Variants in NAALADL2 observed in about 807,000 individuals in gnomAD.
NAALADL2 encodes the protein N-acetylated alpha-linked acidic dipeptidase like 2.
In NAALADL2, 76 loss-of-function variants were observed where a neutral mutation model predicts 87.2. The ratio of observed to expected loss-of-function variants is 0.87; its 90% CI spans 0.72 to 1.05. The LOEUF is 1.05. Among genes scored for constraint, NAALADL2 ranks in the 50% least tolerant of loss-of-function variants. The probability of loss-of-function intolerance (pLI) is 0.00; values close to 1 mark genes in which losing one functional copy is unlikely to be tolerated. For missense variants in NAALADL2, 1,089 were observed against 945.8 expected, an observed-to-expected ratio of 1.15 and a Z score of -1.99; for synonymous variants, 354 against 331.0, an observed-to-expected ratio of 1.07 and a Z score of -0.75.
At chr3:175,500,185 A>G (rs1729349572) in intron 9 of NAALADL2, among the ~76,000 whole-genome samples, 1 of 152,104 alleles carries the variant, frequency 6.6e-6, no homozygotes, top group Non-Finnish European at 1.5e-5. Context: ...ATGCGCATAC[A>G]TACATAACTC....
At chr3:174,497,997 A>G (rs1665014036) in intron 1 of NAALADL2, among the ~76,000 whole-genome samples, 1 of 152,154 alleles carries the variant, frequency 6.6e-6, no homozygotes, top group Admixed American at 6.5e-5. Flanking sequence ...ACATTTTAGA[A>G]TGCTTATTTC....
intron 2 of NAALADL2, among the ~76,000 whole-genome samples, chr3:175,178,677 G>C (rs1156926828): frequency 6.6e-6 from 1 of 152,030 alleles, no homozygotes; most frequent in East Asian, 1.9e-4. Context: ...CGCAGTACCT[G>C]ATTCAGTAGG....
intron 2 of NAALADL2, among the ~76,000 whole-genome samples, chr3:174,704,692 G>C (rs1184517430): frequency 6.6e-6 from 1 of 150,444 alleles, no homozygotes; most frequent in African/African-American, 2.4e-5. Context: ...ATGGAAAATA[G>C]ATAAAAAAAA....
At chr3:175,027,904 G>GT (rs1453102284) in intron 1 of NAALADL2, among the ~76,000 whole-genome samples, 7 of 151,476 alleles carry the variant, frequency 4.6e-5, no homozygotes, top group African/African-American at 1.7e-4. Context: ...CTATTTGTTT[G>GT]TTTTTAAACC....
chr3:175,710,601 CAT>C (rs1740395665), intron 11 of NAALADL2, among the ~76,000 whole-genome samples: 1 of 148,848 alleles, frequency 6.7e-6, no homozygotes, highest in South Asian at 2.1e-4. Context: ...TATATATACA[CAT>C]ATATAGGCAC....
intron 1 of NAALADL2, among the ~76,000 whole-genome samples, chr3:175,088,894 T>C (rs187683704): frequency 2.0e-5 from 3 of 152,154 alleles, no homozygotes; most frequent in Non-Finnish European, 4.4e-5. Context: ...AAACTACACA[T>C]AGTAGGGAGT....
intron 3 of NAALADL2, among the ~76,000 whole-genome samples, chr3:174,828,068 A>C (rs1191940442): frequency 6.6e-6 from 1 of 152,128 alleles, no homozygotes; most frequent in African/African-American, 2.4e-5. Flanking sequence ...TGTAGTCCCC[A>C]GCTACTTGGG....
chr3:175,287,909 C>T (rs1197158414), intron 4 of NAALADL2, among the ~76,000 whole-genome samples: 1 of 152,008 alleles, frequency 6.6e-6, no homozygotes, highest in African/African-American at 2.4e-5. Flanking sequence ...TAAAATTTTC[C>T]CCAAAAATGC....
intron 11 of NAALADL2, among the ~76,000 whole-genome samples, chr3:175,650,414 T>C (rs1730609799): frequency 6.6e-6 from 1 of 152,178 alleles, no homozygotes; most frequent in South Asian, 2.1e-4. Context: ...AGCTGGATTG[T>C]GGAGTAGGAT....
At chr3:174,773,166 A>G (rs1215402537) in intron 3 of NAALADL2, among the ~76,000 whole-genome samples, 3 of 152,188 alleles carry the variant, frequency 2.0e-5, no homozygotes, top group Admixed American at 2.0e-4. Flanking sequence ...GGTCTTGAGA[A>G]GTCTATTCAG....
At chr3:175,767,016 C>T (rs1056175312) in intron 13 of NAALADL2, among the ~76,000 whole-genome samples, 1 of 152,144 alleles carries the variant, frequency 6.6e-6, no homozygotes, top group African/African-American at 2.4e-5. Context: ...GTCCTGTACA[C>T]CATCCCCAGT....
chr3:174,682,882 C>A (rs909125158), intron 2 of NAALADL2, among the ~76,000 whole-genome samples: 1 of 152,150 alleles, frequency 6.6e-6, no homozygotes, highest in Non-Finnish European at 1.5e-5. Context: ...AACATCAAGA[C>A]CATCTGAAAA....
intron 5 of NAALADL2, among the ~76,000 whole-genome samples, chr3:175,382,465 A>G (rs1045696632): frequency 3.0e-4 from 41 of 137,996 alleles, no homozygotes; most frequent in African/African-American, 9.7e-4. Context: ...AACATTTAAA[A>G]TAGTAATTTG....
At chr3:174,552,901 A>C (rs1191431861) in intron 2 of NAALADL2, among the ~76,000 whole-genome samples, 1 of 151,952 alleles carries the variant, frequency 6.6e-6, no homozygotes, top group Non-Finnish European at 1.5e-5. Flanking sequence ...GTGTTTTTTA[A>C]CATGCTTTAA....
At chr3:174,623,276 G>A (rs1057395899) in intron 2 of NAALADL2, among the ~76,000 whole-genome samples, 63 of 152,208 alleles carry the variant, frequency 4.1e-4, no homozygotes, top group African/African-American at 1.5e-3. Context: ...ACAGGAAGGG[G>A]CTACAAAATT....
At chr3:174,915,571 A>C (rs968929192) in intron 1 of NAALADL2, among the ~76,000 whole-genome samples, 1 of 152,174 alleles carries the variant, frequency 6.6e-6, no homozygotes, top group Non-Finnish European at 1.5e-5. Flanking sequence ...TTGTTTAAAA[A>C]TGTTATATTC....
At chr3:174,740,340 C>T (rs1733647463) in intron 3 of NAALADL2, among the ~76,000 whole-genome samples, 1 of 151,832 alleles carries the variant, frequency 6.6e-6, no homozygotes, top group African/African-American at 2.4e-5. Flanking sequence ...GATTGTAAAA[C>T]TAAAAACCCT....
intron 2 of NAALADL2, among the ~76,000 whole-genome samples, chr3:174,654,238 T>C (rs1220145582): frequency 6.6e-6 from 1 of 152,314 alleles, no homozygotes; most frequent in African/African-American, 2.4e-5. Context: ...TGTTAAGGTC[T>C]GAGTGTGTGC....
At chr3:174,899,419 A>T (rs1436826585) in intron 1 of NAALADL2, among the ~76,000 whole-genome samples, 1 of 152,106 alleles carries the variant, frequency 6.6e-6, no homozygotes, top group Non-Finnish European at 1.5e-5. Flanking sequence ...CCAATGTCTC[A>T]TGAATGGTTT....
Sources: allele counts gnomAD v4.1 joint callset (sites outside exome capture counted in the v4.1 genomes callset), GRCh38; gene constraint gnomAD v4.1.1; transcripts MANE v1.5; gene names NCBI Gene and HGNC (gene_info 2026-07-23, HGNC 2026-07-21).